The following AMMECR1 variants were observed in gnomAD, a reference collection of about 807,000 sequenced individuals.
AMMECR1 encodes the protein nuclear protein AMMECR1.
AMMECR1 carries 3 observed loss-of-function variants against 22.5 expected under a neutral mutation model. The ratio of observed to expected loss-of-function variants is 0.13; its 90% CI spans 0.06 to 0.35. AMMECR1 has a LOEUF of 0.35. Among genes scored for constraint, AMMECR1 ranks in the 10% least tolerant of loss-of-function variants. The probability of loss-of-function intolerance (pLI) is 1.00; values close to 1 mark genes in which losing one functional copy is unlikely to be tolerated. For synonymous variants in AMMECR1, 130 were observed against 116.7 expected (o/e 1.11, Z -0.74); for missense variants, 235 against 278.7 (o/e 0.84, Z 1.12).
At chrX:110,358,630 A>G (rs1267881379) in intron 2 of AMMECR1, among the ~76,000 whole-genome samples, 1 of 111,812 alleles carries the variant, frequency 8.9e-6, no homozygotes, top group Non-Finnish European at 1.9e-5. Context: ...GCTCTAAAAG[A>G]TTAGATTATA....
At chrX:110,223,944 A>C (rs2067517999) in intron 2 of AMMECR1, among the ~76,000 whole-genome samples, 1 of 111,984 alleles carries the variant, frequency 8.9e-6, no homozygotes, top group Non-Finnish European at 1.9e-5. Flanking sequence ...CAAGTCTCTT[A>C]ATCTATGCCA....
intron 1 of AMMECR1, among the ~76,000 whole-genome samples, chrX:110,295,565 C>T (rs1259900417): frequency 8.9e-6 from 1 of 111,890 alleles, no homozygotes; most frequent in African/African-American, 3.2e-5. Flanking sequence ...AGGCAATATA[C>T]TTGTACATGT....
chrX:110,296,870 A>G (rs193200176), intron 1 of AMMECR1, among the ~76,000 whole-genome samples: 111 of 110,766 alleles, frequency 1.0e-3, no homozygotes, highest in Non-Finnish European at 1.9e-3. Context: ...AGGCTTCCTC[A>G]GTGACAGTTT....
intron 2 of AMMECR1, among the ~76,000 whole-genome samples, chrX:110,378,008 C>CAAAAAAAAAAAAAAAA (rs755483656): frequency 3.2e-5 from 1 of 30,946 alleles, no homozygotes; most frequent in African/African-American, 1.4e-4. Flanking sequence ...GACTCCGTCT[C>CAAAAAAAAAAAAAAAA]AAAAAAAAAA....
intron 2 of AMMECR1, among the ~76,000 whole-genome samples, chrX:110,226,342 A>G (rs775768574): frequency 7.1e-5 from 8 of 112,432 alleles, no homozygotes; most frequent in Non-Finnish European, 1.5e-4. Context: ...GCAGTGGCTC[A>G]TGCCTGTAAT....
chrX:110,429,468 T>G (rs1418894114), intron 1 of AMMECR1, among the ~76,000 whole-genome samples: 4 of 79,803 alleles, frequency 5.0e-5, no homozygotes, highest in African/African-American at 1.3e-4. Context: ...GTTTTTTTTT[T>G]TTTTTGTTTT....
At chrX:110,302,817 T>G (rs1235792295) in intron 1 of AMMECR1, among the ~76,000 whole-genome samples, 1 of 109,986 alleles carries the variant, frequency 9.1e-6, no homozygotes, top group Non-Finnish European at 1.9e-5. Flanking sequence ...GAGGTTGCAG[T>G]GAGCCGAGAT....
chrX:110,239,766 T>C (rs1476895963), intron 2 of AMMECR1, among the ~76,000 whole-genome samples: 2 of 109,901 alleles, frequency 1.8e-5, no homozygotes, highest in East Asian at 2.9e-4. Flanking sequence ...TCCACCAAGG[T>C]TGAAATGAAG....
intron 2 of AMMECR1, among the ~76,000 whole-genome samples, chrX:110,337,449 T>C (rs961432598): frequency 3.6e-5 from 4 of 111,726 alleles, no homozygotes; most frequent in Admixed American, 2.9e-4. Context: ...TTTTTTCAGG[T>C]ATAAAGACAC....
In AMMECR1 at chrX:110,253,220, G is replaced by A. The variant is rs2067694961; in HGVS notation, c.584+11269C>T. Among the ~76,000 whole-genome samples the A allele has an allele frequency of 1.8e-5, 2 of 112,301 alleles. 1 individual carries two copies. The highest frequency in any genetic ancestry group is 7.2e-4 in the South Asian group (2 of 2,760). On this transcript the variant is annotated intron_variant, in intron 2 of 5. Coordinates refer to ENST00000262844, the MANE Select transcript of AMMECR1 (RefSeq NM_015365.3). ...CATTGCAGAACATTAACTTTACTCT[G>A]AGTGAAATATATGTTTTTTAAATAC...
intron 2 of AMMECR1, among the ~76,000 whole-genome samples, chrX:110,389,579 A>G (rs2068480780): frequency 8.9e-6 from 1 of 112,096 alleles, no homozygotes; most frequent in Non-Finnish European, 1.9e-5. Flanking sequence ...TTTTAAATCT[A>G]ATTTACCATA....
chrX:110,342,802 T>C (rs950377372), intron 2 of AMMECR1, among the ~76,000 whole-genome samples: 24 of 112,067 alleles, frequency 2.1e-4, no homozygotes, highest in South Asian at 1.5e-3. Flanking sequence ...TAGAGTAACC[T>C]GTAAGCATGA....
chrX:110,221,678 T>C (rs1167792153), intron 2 of AMMECR1, among the ~76,000 whole-genome samples: 1 of 111,209 alleles, frequency 9.0e-6, no homozygotes, highest in Non-Finnish European at 1.9e-5. Context: ...TAATATGATA[T>C]GATGGGTAAT....
At chrX:110,297,972 G>A (rs772595254) in intron 1 of AMMECR1, among the ~76,000 whole-genome samples, 1 of 111,998 alleles carries the variant, frequency 8.9e-6, no homozygotes, top group East Asian at 2.8e-4. Flanking sequence ...GGAAACAAAT[G>A]TATTTTTAAT....
chrX:110,427,719 A>G (rs2068764358), intron 1 of AMMECR1, among the ~76,000 whole-genome samples: 1 of 112,322 alleles, frequency 8.9e-6, no homozygotes. Flanking sequence ...CAAACTCCTT[A>G]GCTTGGCATT....
chrX:110,308,624 T>C (rs1364961574), intron 1 of AMMECR1, among the ~76,000 whole-genome samples: 2 of 111,449 alleles, frequency 1.8e-5, no homozygotes, highest in Non-Finnish European at 3.8e-5. Flanking sequence ...ATCTGTGAAC[T>C]CAAAAAAAAT....
chrX:110,290,057 A>G (rs2067899838), intron 1 of AMMECR1, among the ~76,000 whole-genome samples: 2 of 111,792 alleles, frequency 1.8e-5, no homozygotes, highest in African/African-American at 3.2e-5. Flanking sequence ...AGGAACTTCT[A>G]TATTACAATG....
chrX:110,368,711 A>C (rs150183498), intron 2 of AMMECR1, among the ~76,000 whole-genome samples: 1 of 112,270 alleles, frequency 8.9e-6, no homozygotes, highest in African/African-American at 3.2e-5. Flanking sequence ...CTTCACCACT[A>C]GAATATAAGC....
chrX:110,431,108 G>C (rs922989831), intron 1 of AMMECR1, among the ~76,000 whole-genome samples: 1 of 111,981 alleles, frequency 8.9e-6, no homozygotes, highest in African/African-American at 3.3e-5. Context: ...TGGAGGAAAG[G>C]GGGGCTTTAT....
Sources: allele counts gnomAD v4.1 joint callset (sites outside exome capture counted in the v4.1 genomes callset), GRCh38; gene constraint gnomAD v4.1.1; transcripts MANE v1.5; gene names NCBI Gene and HGNC (gene_info 2026-07-23, HGNC 2026-07-21).